KCNMA1: variants seen among roughly 807,000 people sequenced by gnomAD.
KCNMA1 encodes the protein potassium calcium-activated channel subfamily M alpha 1.
KCNMA1 carries 29 observed loss-of-function variants against 140.0 expected under a neutral mutation model. The observed-to-expected ratio is 0.21, with a 90% CI of 0.15 to 0.28. The LOEUF (loss-of-function observed/expected upper bound fraction) is 0.28, where lower values mean the gene tolerates loss of function less well. Among genes scored for constraint, KCNMA1 ranks in the 10% least tolerant of loss-of-function variants. The probability of loss-of-function intolerance (pLI) is 1.00; values close to 1 mark genes in which losing one functional copy is unlikely to be tolerated. For missense variants in KCNMA1, 880 were observed against 1,602.2 expected, an observed-to-expected ratio of 0.55 and a Z score of 7.70; for synonymous variants, 612 against 611.9, an observed-to-expected ratio of 1.00 and a Z score of 0.00.
chr10:77,586,959 C>T (rs2077427695), intron 1 of KCNMA1: 1 of 152,192 alleles, frequency 6.6e-6, no homozygotes, highest in Non-Finnish European at 1.5e-5. Context: ...GACTAGGACA[C>T]AAGTTTACAA....
chr10:76,950,850 A>C (rs1184847699), intron 21 of KCNMA1, among the ~76,000 whole-genome samples: 1 of 152,208 alleles, frequency 6.6e-6, no homozygotes, highest in Non-Finnish European at 1.5e-5. Context: ...AACCGGAGAC[A>C]TAAGCTGTAA....
chr10:77,524,090 A>G (rs185090822), intron 1 of KCNMA1, among the ~76,000 whole-genome samples: 7 of 152,328 alleles, frequency 4.6e-5, no homozygotes, highest in Non-Finnish European at 8.8e-5. Flanking sequence ...GTAACCCACA[A>G]ATTGTTTTAA....
intron 3 of KCNMA1, among the ~76,000 whole-genome samples, chr10:77,225,724 G>C (rs1334336839): frequency 6.6e-6 from 1 of 152,206 alleles, no homozygotes; most frequent in Non-Finnish European, 1.5e-5. Flanking sequence ...CCCAGGAGGA[G>C]ACAGGAACTG....
intron 2 of KCNMA1, among the ~76,000 whole-genome samples, chr10:77,399,054 C>A (rs1485937627): frequency 1.3e-5 from 2 of 152,080 alleles, no homozygotes; most frequent in Admixed American, 6.5e-5. Context: ...AGACACAGAG[C>A]GCAAACCTGA....
At chr10:76,917,892 C>T (rs1386572427) in intron 23 of KCNMA1, among the ~76,000 whole-genome samples, 1 of 152,236 alleles carries the variant, frequency 6.6e-6, no homozygotes, top group Admixed American at 6.5e-5. Context: ...GGCAGGATTG[C>T]CCCAGATTCC....
chr10:77,576,610 A>G (rs2074203251), intron 1 of KCNMA1, among the ~76,000 whole-genome samples: 1 of 152,218 alleles, frequency 6.6e-6, no homozygotes, highest in Non-Finnish European at 1.5e-5. Flanking sequence ...GCTGGGGCAC[A>G]ATGACAGAAA....
At chr10:77,306,976 C>T (rs902314031) in intron 2 of KCNMA1, among the ~76,000 whole-genome samples, 3 of 152,178 alleles carry the variant, frequency 2.0e-5, no homozygotes, top group Non-Finnish European at 2.9e-5. Context: ...AGTATTGGTA[C>T]GAGGTCAAGT....
chr10:77,197,367 A>G (rs1267230384), intron 3 of KCNMA1, among the ~76,000 whole-genome samples: 1 of 152,232 alleles, frequency 6.6e-6, no homozygotes, highest in Non-Finnish European at 1.5e-5. Context: ...GGAGTCAGGA[A>G]CATGTAGGAC....
At chr10:77,008,218 G>T (rs2089682660) in intron 18 of KCNMA1, 1 of 1,531,746 alleles carries the variant, frequency 6.5e-7, no homozygotes, top group Non-Finnish European at 8.7e-7. Context: ...TTAAAATAGA[G>T]TAGGGGCCGT....
At chr10:77,505,912 A>G (rs1302998620) in intron 1 of KCNMA1, among the ~76,000 whole-genome samples, 1 of 152,206 alleles carries the variant, frequency 6.6e-6, no homozygotes, top group Non-Finnish European at 1.5e-5. Flanking sequence ...CAAGAGTCCA[A>G]GCAAGCAGCA....
chr10:77,042,262 T>C (rs546327155), intron 14 of KCNMA1, among the ~76,000 whole-genome samples: 1 of 152,368 alleles, frequency 6.6e-6, no homozygotes, highest in South Asian at 2.1e-4. Flanking sequence ...GCCTGAACTT[T>C]TTAATTTCTC....
chr10:77,012,510 T>C, intron 17 of KCNMA1: 1 of 1,550,300 alleles, frequency 6.5e-7, no homozygotes. Flanking sequence ...CTTGTCACTC[T>C]GAAAGCACCT....
chr10:77,039,611 G>A lies in KCNMA1; in HGVS notation c.1776C>T (p.Tyr592=). 1 of 1,609,930 alleles carries A rather than the reference G, an allele frequency of 6.2e-7. No individual in the cohort carries two copies. The highest frequency in any genetic ancestry group is 8.5e-7 in the Non-Finnish European group (1 of 1,176,178). ...IKIEEDTWQK[Y]YLEGVSNEMY... is the part of the protein sequence containing the mutation. ...TTTCATTTGAGACTCCTTCCAAGTA[G>A]TATTTCTGCCATGTGTCTTCCTCAA... Residue 592 remains tyrosine (Y), a synonymous_variant, in exon 15 of 28, where the codon TAC becomes TAT. Coordinates refer to ENST00000286628, the MANE Select transcript of KCNMA1 (RefSeq NM_001161352.2).
At chr10:77,016,067 C>T (rs1418907085) in intron 17 of KCNMA1, among the ~76,000 whole-genome samples, 1 of 152,242 alleles carries the variant, frequency 6.6e-6, no homozygotes, top group South Asian at 2.1e-4. Flanking sequence ...AGGAGCCAGC[C>T]TCTGCCTCTC....
chr10:77,517,633 T>C (rs1567278395), intron 1 of KCNMA1, among the ~76,000 whole-genome samples: 1 of 152,086 alleles, frequency 6.6e-6, no homozygotes, highest in Non-Finnish European at 1.5e-5. Context: ...ACACAGACAC[T>C]GAAGGGCCCG....
intron 21 of KCNMA1, among the ~76,000 whole-genome samples, chr10:76,949,652 G>A (rs2065500180): frequency 2.0e-5 from 3 of 152,154 alleles, no homozygotes; most frequent in African/African-American, 7.2e-5. Context: ...AAATATGTGT[G>A]AGCAGACCTT....
intron 23 of KCNMA1, among the ~76,000 whole-genome samples, chr10:76,922,991 T>C (rs2056422566): frequency 6.6e-6 from 1 of 152,212 alleles, no homozygotes; most frequent in African/African-American, 2.4e-5. Flanking sequence ...TGTTTCTTTC[T>C]ATTTACAGTA....
At chr10:76,926,196 G>T (rs1239699588) in intron 23 of KCNMA1, among the ~76,000 whole-genome samples, 6 of 152,116 alleles carry the variant, frequency 3.9e-5, no homozygotes, top group Non-Finnish European at 8.8e-5. Flanking sequence ...GTACAGCGTG[G>T]TCAATAACTT....
At chr10:76,960,864 C>T (rs2153058368) in intron 20 of KCNMA1, among the ~76,000 whole-genome samples, 1 of 151,922 alleles carries the variant, frequency 6.6e-6, no homozygotes. Context: ...TATTTTAATC[C>T]TGCTGTTGAG....
Sources: gnomAD v4.1 joint callset for allele counts (sites outside exome capture counted in the v4.1 genomes callset) on GRCh38, gnomAD v4.1.1 for gene constraint, MANE v1.5 for transcripts, NCBI Gene and HGNC (gene_info 2026-07-23, HGNC 2026-07-21) for gene names.